The following NCOA6 variants were observed in gnomAD, a reference collection of about 807,000 sequenced individuals.
NCOA6 encodes NRC RAP250.
In NCOA6, 49 loss-of-function variants were observed where a neutral mutation model predicts 171.4. That is an observed-to-expected ratio of 0.29 (90% CI 0.23 to 0.36). The LOEUF is 0.36. Ranked by LOEUF, NCOA6 falls within the 10% of genes least tolerant of loss-of-function variation. The pLI is 1.00. For synonymous variants in NCOA6, 910 were observed against 927.5 expected, an observed-to-expected ratio of 0.98 and a Z score of 0.34; for missense variants, 2,248 against 2,554.5, an observed-to-expected ratio of 0.88 and a Z score of 2.59.
At chr20:34,730,320 C>CA (rs1056731168) in intron 13 of NCOA6, among the ~76,000 whole-genome samples, 2 of 151,920 alleles carry the variant, frequency 1.3e-5, no homozygotes, top group Non-Finnish European at 2.9e-5. Context: ...CTCCTAAGCT[C>CA]AAGCAATCCT....
At position 34,767,739 on chromosome 20, in the gene NCOA6, A is replaced by G. The variant is rs561768305; in HGVS notation, c.514+725T>C. 7.2e-5 allele frequency among the ~76,000 whole-genome samples: 11 copies of G among 152,292 alleles called. No homozygotes were observed. In the South Asian group the frequency reaches 1.9e-3, roughly 26 times the overall value. ...CAGCTGTGCTTTTCTGTTTTATTTG[A>G]ATAAAGGGTCCTGAAGCTGAAAAAA... On this transcript the variant is annotated intron_variant, in intron 5 of 14. Transcript: ENST00000359003.
chr20:34,807,302 G>T (rs1416595064), intron 1 of NCOA6, among the ~76,000 whole-genome samples: 1 of 152,088 alleles, frequency 6.6e-6, no homozygotes, highest in Non-Finnish European at 1.5e-5. Flanking sequence ...CCAGCCAAGC[G>T]CTAAGATGAG....
At chr20:34,777,997 TC>T (rs1476970806) in intron 3 of NCOA6, among the ~76,000 whole-genome samples, 2 of 152,112 alleles carry the variant, frequency 1.3e-5, no homozygotes, top group Non-Finnish European at 2.9e-5. Context: ...AACCTCCGCC[TC>T]CCAGGTTCGA....
At chr20:34,725,519 GA>G (rs1170206616) in intron 14 of NCOA6, among the ~76,000 whole-genome samples, 2 of 151,974 alleles carry the variant, frequency 1.3e-5, no homozygotes, top group African/African-American at 2.4e-5. Context: ...GAAGTGGGAT[GA>G]GGCTGGGAGA....
In NCOA6 at chr20:34,746,922, TG is replaced by T; in HGVS notation, c.2798del (p.Pro933GlnfsTer101). ...KKNSQQDLNT[P>X]DTRPAGLEEA... ...CTTCCAGACCAGCTGGGCGAGTATC[TG>T]GGGTGCTAAAAAAAAAAAAAAAAAA... is the stretch of plus-strand genomic sequence containing the variant. On this transcript the variant is annotated frameshift_variant, in exon 10 of 15. Coordinates refer to ENST00000359003, the MANE Select transcript of NCOA6 (RefSeq NM_014071.5). LOFTEE classifies it high-confidence loss of function. 7.0e-7 allele frequency: 1 copy of T among 1,436,190 alleles called. No homozygotes were observed. The highest frequency in any genetic ancestry group is 9.2e-7 in the Non-Finnish European group (1 of 1,088,832). The allele number at this position is 1,436,190 out of a possible 1,614,324, so 89.0% of individuals were successfully genotyped here. A position where few individuals can be genotyped will look rare whatever the true frequency, so the allele number is the denominator to read the frequency against.
rs1988371444 is a variant in NCOA6, at chr20:34,715,142, G to A, written c.*180C>T. Reference sequence around the variant, plus strand: ...TGAACTTCAACTCGCAACACCAAAAGGGCTCAACAGTCCTGCTTTCCCCAT... The same window carrying A: ...TGAACTTCAACTCGCAACACCAAAAAGGCTCAACAGTCCTGCTTTCCCCAT... On this transcript the variant is annotated 3_prime_UTR_variant, in exon 15 of 15. Transcript: ENST00000359003. The A allele has an allele frequency of 4.4e-6, 3 of 677,314 alleles. No individual in the cohort carries two copies. The South Asian group carries it at 5.7e-5, about 13-fold the overall frequency. The allele number at this position is 677,314 out of a possible 1,614,324, so 42.0% of individuals were successfully genotyped here.
At chr20:34,790,393 TG>T (rs776546267) in intron 2 of NCOA6, among the ~76,000 whole-genome samples, 4 of 152,118 alleles carry the variant, frequency 2.6e-5, no homozygotes, top group Non-Finnish European at 4.4e-5. Context: ...CTCGCTGTGT[TG>T]CCCAGGCTGG....
In NCOA6 at chr20:34,768,504, T is replaced by G; in HGVS notation, c.474A>C (p.Ser158=). 12 of 1,614,166 alleles carry G rather than the reference T, an allele frequency of 7.4e-6. No homozygotes were observed. The highest frequency in any genetic ancestry group is 1.0e-5 in the Non-Finnish European group (12 of 1,180,024). Residue 158 remains serine (S), a synonymous_variant, in exon 5 of 15, where the codon TCA becomes TCC. Coordinates refer to ENST00000359003, the MANE Select transcript of NCOA6 (RefSeq NM_014071.5). ...RMNGPMGAGN[S]VRMEAGFPMA... ...TAGGAAATCCCGCCTCCATCCTAAC[T>G]GAATTTCCAGCTCCCATGGGTCCAT...
chr20:34,779,608 A>G (rs1339099824), intron 3 of NCOA6, among the ~76,000 whole-genome samples: 1 of 152,248 alleles, frequency 6.6e-6, no homozygotes, highest in Non-Finnish European at 1.5e-5. Flanking sequence ...AAACTTCTGT[A>G]TCCTTCATTC....
intron 1 of NCOA6, among the ~76,000 whole-genome samples, chr20:34,802,267 G>T (rs2078280207): frequency 6.6e-6 from 1 of 152,194 alleles, no homozygotes; most frequent in South Asian, 2.1e-4. Flanking sequence ...AGGAGTTCAA[G>T]ACCAGCCTGG....
rs781258566 is a variant in NCOA6 at position 34,742,181 on chromosome 20, G to C, written c.4075C>G (p.Gln1359Glu). 8.7e-6 allele frequency: 14 copies of C among 1,614,232 alleles called. No homozygotes were observed. The highest frequency in any genetic ancestry group is 1.2e-5 in the Non-Finnish European group (14 of 1,180,052). The change falls in exon 11 of 15, where the codon CAG becomes GAG. Residue 1359 changes from glutamine (Q) to glutamate (E), a missense_variant. Around this residue, in one of 7 missense-constraint regions of NCOA6, gnomAD observed 884 missense variants for 941.9 expected, o/e 0.94. Coordinates refer to ENST00000359003, the MANE Select transcript of NCOA6 (RefSeq NM_014071.5). Reference sequence around the variant, plus strand: ...TTCTGCAATAGGGCTGCATTTGTCTGAGAGGCCAGAGTAAGTTTAGGGGCT... The same window carrying C: ...TTCTGCAATAGGGCTGCATTTGTCTCAGAGGCCAGAGTAAGTTTAGGGGCT... ...SKAPKLTLAS[Q>E]TNAALLQNVE... is the part of the protein sequence containing the mutation.
chr20:34,817,134 A>AAAGC lies in NCOA6; in HGVS notation c.-164+8337_-164+8338insGCTT, dbSNP rs1449901314. Reference sequence around the variant, plus strand: ...TGAGACTCCATCACACACACACACAAAAAAGCAAAAGCAAAAGCAAAAGAA... The same window carrying AAAGC: ...TGAGACTCCATCACACACACACACAAAAGCAAAAGCAAAAGCAAAAGCAAAAGAA... On this transcript the variant is annotated intron_variant, in intron 1 of 14. Transcript: ENST00000359003. Among the ~76,000 whole-genome samples the AAAGC allele has an allele frequency of 2.4e-5, 3 of 126,290 alleles. 1 individual carries two copies. The highest frequency in any genetic ancestry group is 8.4e-5 in the African/African-American group (3 of 35,660). 82.9% of individuals were successfully genotyped at this position (126,290 alleles called of 152,430 possible).
chr20:34,755,741 ATTTTT>A (rs2076623742), intron 7 of NCOA6, among the ~76,000 whole-genome samples: 1 of 151,970 alleles, frequency 6.6e-6, no homozygotes, highest in African/African-American at 2.4e-5. Flanking sequence ...ATTTACTTTT[ATTTTT>A]ATTTTTTGAG....
intron 10 of NCOA6, among the ~76,000 whole-genome samples, chr20:34,745,695 C>T (rs1365581600): frequency 6.6e-6 from 1 of 152,142 alleles, no homozygotes; most frequent in African/African-American, 2.4e-5. Flanking sequence ...AAAACATACC[C>T]TCTGTACACA....
chr20:34,790,511 C>G (rs573418588), intron 2 of NCOA6, among the ~76,000 whole-genome samples: 1 of 151,936 alleles, frequency 6.6e-6, no homozygotes, highest in African/African-American at 2.4e-5. Flanking sequence ...CCCACCACTA[C>G]GCCCAGCTAA....
At chr20:34,779,164 T>C (rs1600991623) in intron 3 of NCOA6, among the ~76,000 whole-genome samples, 1 of 152,278 alleles carries the variant, frequency 6.6e-6, no homozygotes, top group Non-Finnish European at 1.5e-5. Context: ...TATTATTAAT[T>C]GTAGTTACAT....
intron 5 of NCOA6, among the ~76,000 whole-genome samples, chr20:34,766,389 G>A (rs1011164054): frequency 2.0e-5 from 3 of 152,012 alleles, no homozygotes; most frequent in Non-Finnish European, 4.4e-5. Flanking sequence ...GGCTGAGGTG[G>A]GCAGATCACT....
At chr20:34,814,569 T>G (rs2078769648) in intron 1 of NCOA6, among the ~76,000 whole-genome samples, 1 of 152,192 alleles carries the variant, frequency 6.6e-6, no homozygotes, top group African/African-American at 2.4e-5. Flanking sequence ...TCAGAAGTTA[T>G]GTACTTGCGG....
At chr20:34,814,024 G>A (rs757738005) in intron 1 of NCOA6, among the ~76,000 whole-genome samples, 4 of 152,056 alleles carry the variant, frequency 2.6e-5, no homozygotes, top group African/African-American at 9.7e-5. Context: ...ATGTAACAGC[G>A]CTACAATTTA....
Sources: allele counts gnomAD v4.1 joint callset (sites outside exome capture counted in the v4.1 genomes callset), GRCh38; gene constraint gnomAD v4.1.1; regional missense constraint gnomAD v4.1.1; transcripts MANE v1.5; gene names NCBI Gene and HGNC (gene_info 2026-07-23, HGNC 2026-07-21).